The following USH2A variants were observed in gnomAD, a reference collection of about 807,000 sequenced individuals.
USH2A encodes usherin, also known as Usher syndrome 2A (autosomal recessive, mild).
USH2A carries 443 observed loss-of-function variants against 538.9 expected under a neutral mutation model. The observed-to-expected ratio is 0.82, with a 90% CI of 0.76 to 0.89. USH2A has a LOEUF of 0.89. Among genes scored for constraint, USH2A ranks in the 40% least tolerant of loss-of-function variants. The probability of loss-of-function intolerance (pLI) is 0.00; values close to 1 mark genes in which losing one functional copy is unlikely to be tolerated. For missense variants in USH2A, 6,633 were observed against 6,324.8 expected, an observed-to-expected ratio of 1.05 and a Z score of -1.65; for synonymous variants, 2,413 against 2,273.5, an observed-to-expected ratio of 1.06 and a Z score of -1.75.
intron 60 of USH2A, among the ~76,000 whole-genome samples, chr1:215,738,610 T>C (rs1660217603): frequency 6.6e-6 from 1 of 152,096 alleles, no homozygotes; most frequent in Admixed American, 6.6e-5. Flanking sequence ...TAGGATAATA[T>C]CTAGAGGAAA....
chr1:216,004,153 G>T (rs1418840003), intron 32 of USH2A, among the ~76,000 whole-genome samples: 2 of 152,102 alleles, frequency 1.3e-5, no homozygotes, highest in Non-Finnish European at 2.9e-5. Context: ...CATTTGCTAT[G>T]TTAGTTAGAT....
chr1:216,320,769 C>T (rs1219536084), intron 9 of USH2A, among the ~76,000 whole-genome samples: 2 of 152,042 alleles, frequency 1.3e-5, no homozygotes, highest in Non-Finnish European at 2.9e-5. Context: ...TTTTATCAGA[C>T]TGTTATATTT....
intron 21 of USH2A, among the ~76,000 whole-genome samples, chr1:216,155,350 G>A (rs1263154693): frequency 6.6e-6 from 1 of 152,136 alleles, no homozygotes. Context: ...CAGGAATAAT[G>A]TGGTCAGAGG....
At position 216,387,792 on chromosome 1, in the gene USH2A, C is replaced by T. The variant is rs577347773; in HGVS notation, c.652-22707G>A. ...GCCACCAGAGACAGAAATGAAGACC[C>T]TTATTTTAACATTTAACCTGAAAGG... is the stretch of plus-strand genomic sequence containing the variant. On this transcript the variant is annotated intron_variant, in intron 3 of 71. Coordinates refer to ENST00000307340, the MANE Select transcript of USH2A (RefSeq NM_206933.4). Among the ~76,000 whole-genome samples the T allele has an allele frequency of 2.6e-5, 4 of 152,240 alleles. No homozygotes were observed. The East Asian group carries it at 7.7e-4, about 29-fold the overall frequency.
At chr1:216,103,009 G>A (rs1362148250) in intron 21 of USH2A, among the ~76,000 whole-genome samples, 1 of 152,136 alleles carries the variant, frequency 6.6e-6, no homozygotes, top group African/African-American at 2.4e-5. Context: ...ATAGCAATGA[G>A]AATGAACAAC....
At chr1:216,099,680 G>T (rs2032530280) in intron 21 of USH2A, among the ~76,000 whole-genome samples, 1 of 152,126 alleles carries the variant, frequency 6.6e-6, no homozygotes, top group Non-Finnish European at 1.5e-5. Context: ...TACCAGGAAA[G>T]GCACATTAAG....
intron 51 of USH2A, among the ~76,000 whole-genome samples, chr1:215,789,550 C>T (rs986745696): frequency 5.9e-5 from 9 of 152,322 alleles, no homozygotes; most frequent in African/African-American, 1.7e-4. Flanking sequence ...CGATTACACC[C>T]AGAAGCCTAT....
At chr1:215,776,672 A>T (rs770961643) in intron 55 of USH2A, among the ~76,000 whole-genome samples, 31 of 152,152 alleles carry the variant, frequency 2.0e-4, no homozygotes, top group Middle Eastern at 3.2e-3. Flanking sequence ...CATTTATCCT[A>T]GGGGGTTCAG....
chr1:216,030,161 A>G (rs991194922), intron 32 of USH2A, among the ~76,000 whole-genome samples: 2 of 143,318 alleles, frequency 1.4e-5, no homozygotes, highest in African/African-American at 5.1e-5. Context: ...TGATATATAG[A>G]TATACATAAC....
At chr1:215,626,927 A>T (rs1258098074) in intron 71 of USH2A, among the ~76,000 whole-genome samples, 1 of 152,200 alleles carries the variant, frequency 6.6e-6, no homozygotes, top group Non-Finnish European at 1.5e-5. Flanking sequence ...GTCAAAAATG[A>T]TCAGTTAGCA....
At chr1:216,059,089 G>C (rs1223419564) in intron 30 of USH2A, among the ~76,000 whole-genome samples, 1 of 151,992 alleles carries the variant, frequency 6.6e-6, no homozygotes, top group East Asian at 1.9e-4. Flanking sequence ...AGACTTCTCA[G>C]GTAAGTATGG....
chr1:215,810,020 G>A (rs1662621267), intron 49 of USH2A, among the ~76,000 whole-genome samples: 1 of 152,086 alleles, frequency 6.6e-6, no homozygotes, highest in African/African-American at 2.4e-5. Context: ...TAGGTACAGT[G>A]GGATTAATGA....
Position 215,634,640 on chromosome 1 carries a change from C to T in USH2A, c.15116G>A (p.Ser5039Asn). Residue 5039 changes from serine (S) to asparagine (N), a missense_variant, in exon 70 of 72, where the codon AGC (serine) becomes AAC (asparagine). Physicochemically the swap from Ser to Asn is conservative, Grantham distance 46. Coordinates refer to ENST00000307340, the MANE Select transcript of USH2A (RefSeq NM_206933.4). Reference sequence around the variant, plus strand: ...CATTAACACTATGAACCACAGCTCGCTGTAGAACTCTGTGCTTTTGCTCCG... The same window carrying T: ...CATTAACACTATGAACCACAGCTCGTTGTAGAACTCTGTGCTTTTGCTCCG... Reference protein sequence around the residue: ...GSRSKSTEFYSELWFIVLMAM... With the variant: ...GSRSKSTEFYNELWFIVLMAM... The T allele has an allele frequency of 6.2e-7, 1 of 1,614,224 alleles. No individual in the cohort carries two copies. The highest frequency in any genetic ancestry group is 1.1e-5 in the South Asian group (1 of 91,088).
chr1:215,744,885 A>C (rs1660428626), intron 58 of USH2A, among the ~76,000 whole-genome samples: 1 of 152,204 alleles, frequency 6.6e-6, no homozygotes, highest in Admixed American at 6.5e-5. Flanking sequence ...TATCTGGTAC[A>C]TTTATTCTAG....
chr1:216,169,696 T>C (rs1474917502), intron 21 of USH2A, among the ~76,000 whole-genome samples: 1 of 152,170 alleles, frequency 6.6e-6, no homozygotes, highest in African/African-American at 2.4e-5. Context: ...TGTTTCATAA[T>C]CAGAAAACAC....
At chr1:216,305,366 CTT>C (rs2037296077) in intron 9 of USH2A, among the ~76,000 whole-genome samples, 1 of 152,012 alleles carries the variant, frequency 6.6e-6, no homozygotes, top group African/African-American at 2.4e-5. Flanking sequence ...CGTGGAATAT[CTT>C]TTTCCACCTC....
chr1:215,965,992 C>T (rs548646266), intron 36 of USH2A, among the ~76,000 whole-genome samples: 2 of 151,730 alleles, frequency 1.3e-5, no homozygotes, highest in South Asian at 2.1e-4. Flanking sequence ...CAGGCATGCA[C>T]GCACACACAC....
intron 21 of USH2A, among the ~76,000 whole-genome samples, chr1:216,145,341 T>C (rs928000827): frequency 6.6e-6 from 1 of 152,162 alleles, no homozygotes; most frequent in Non-Finnish European, 1.5e-5. Flanking sequence ...GTGTCTCTCC[T>C]TGGGGGATCC....
intron 37 of USH2A, among the ~76,000 whole-genome samples, chr1:215,948,071 C>T (rs557976668): frequency 1.3e-5 from 2 of 152,102 alleles, no homozygotes; most frequent in South Asian, 4.2e-4. Context: ...TGCTGGGCTT[C>T]TGAAAGAAAC....
Sources: gnomAD v4.1 joint callset for allele counts (sites outside exome capture counted in the v4.1 genomes callset) on GRCh38, gnomAD v4.1.1 for gene constraint, MANE v1.5 for transcripts, NCBI Gene and HGNC (gene_info 2026-07-23, HGNC 2026-07-21) for gene names.